Variants in CDH4 observed in about 807,000 individuals in gnomAD.
CDH4 encodes the protein cadherin 4, also known as cadherin-4.
CDH4 carries 33 observed loss-of-function variants against 86.0 expected under a neutral mutation model. The observed-to-expected ratio is 0.38, with a 90% CI of 0.29 to 0.51. The LOEUF is 0.51. Ranked by LOEUF, CDH4 falls within the 20% of genes least tolerant of loss-of-function variation. CDH4 has a pLI of 0.86. For synonymous variants in CDH4, 555 were observed against 549.4 expected, an observed-to-expected ratio of 1.01 and a Z score of -0.14; for missense variants, 1,114 against 1,307.4, an observed-to-expected ratio of 0.85 and a Z score of 2.28.
At chr20:61,628,491 G>A (rs568187710) in intron 2 of CDH4, among the ~76,000 whole-genome samples, 8 of 152,112 alleles carry the variant, frequency 5.3e-5, no homozygotes, top group South Asian at 2.1e-4. Context: ...TTACAAACTC[G>A]TATTTTCTCC....
intron 2 of CDH4, among the ~76,000 whole-genome samples, chr20:61,451,292 C>G (rs995406480): frequency 6.6e-6 from 1 of 152,064 alleles, no homozygotes; most frequent in African/African-American, 2.4e-5. Context: ...ACGGCACGGA[C>G]CACCATGGAG....
chr20:61,795,953 G>T (rs1345283819), intron 4 of CDH4, among the ~76,000 whole-genome samples: 1 of 152,138 alleles, frequency 6.6e-6, no homozygotes, highest in African/African-American at 2.4e-5. Context: ...GAGCTTTCAG[G>T]CACTGAGTGA....
intron 11 of CDH4, among the ~76,000 whole-genome samples, chr20:61,927,191 G>A (rs1042911982): frequency 6.6e-6 from 1 of 152,240 alleles, no homozygotes; most frequent in Non-Finnish European, 1.5e-5. Context: ...GGTTGTTAAC[G>A]TCAGGTCAGG....
Position 61,856,658 on chromosome 20 carries a change from T to C in CDH4, c.877+3760T>C, listed in dbSNP as rs1249790071. 2.0e-5 allele frequency among the ~76,000 whole-genome samples: 3 copies of C among 150,690 alleles called. No individual in the cohort carries two copies. The East Asian group carries it at 5.9e-4, about 30-fold the overall frequency. On this transcript the variant is annotated intron_variant, in intron 6 of 15. Transcript: ENST00000614565. Reference sequence around the variant, plus strand: ...CCCAGCCCCCTAGAATCCACGAGGGTCCTGTGTGCACCCCACACTCTTATC... The same window carrying C: ...CCCAGCCCCCTAGAATCCACGAGGGCCCTGTGTGCACCCCACACTCTTATC...
chr20:61,551,099 T>A (rs981227570), intron 2 of CDH4, among the ~76,000 whole-genome samples: 4 of 152,198 alleles, frequency 2.6e-5, no homozygotes, highest in Non-Finnish European at 4.4e-5. Context: ...TCCCTTCTCC[T>A]CGGGATCGAT....
At chr20:61,267,120 C>T (rs1180693300) in intron 2 of CDH4, among the ~76,000 whole-genome samples, 1 of 152,156 alleles carries the variant, frequency 6.6e-6, no homozygotes, top group Non-Finnish European at 1.5e-5. Context: ...GAGAGAGCAG[C>T]CCTGTTGACA....
intron 2 of CDH4, among the ~76,000 whole-genome samples, chr20:61,507,526 A>G (rs1571433): frequency 0.79 from 119,985 of 152,024 alleles, 48,453 homozygotes; most frequent in African/African-American, 0.95. Flanking sequence ...GTACAGGTGG[A>G]GTTCACTGTG....
intron 2 of CDH4, among the ~76,000 whole-genome samples, chr20:61,316,027 G>T (rs1032447587): frequency 8.5e-5 from 13 of 152,286 alleles, no homozygotes; most frequent in Middle Eastern, 6.8e-3. Context: ...TCTGATGCAG[G>T]CACTGAGGGG....
chr20:61,409,461 A>G (rs2085103239), intron 2 of CDH4, among the ~76,000 whole-genome samples: 2 of 152,254 alleles, frequency 1.3e-5, no homozygotes, highest in Non-Finnish European at 1.5e-5. Context: ...AAAATTAAGC[A>G]TCCAACACAA....
chr20:61,336,164 G>A (rs1012924962), intron 2 of CDH4, among the ~76,000 whole-genome samples: 1 of 152,086 alleles, frequency 6.6e-6, no homozygotes, highest in African/African-American at 2.4e-5. Flanking sequence ...ATTCCTGCCT[G>A]TTTAAATCCT....
intron 2 of CDH4, among the ~76,000 whole-genome samples, chr20:61,332,854 C>T (rs2084590861): frequency 6.6e-6 from 1 of 152,204 alleles, no homozygotes; most frequent in Non-Finnish European, 1.5e-5. Flanking sequence ...CAGGCTATTT[C>T]GGGAGAAGGC....
intron 4 of CDH4, among the ~76,000 whole-genome samples, chr20:61,790,927 C>T (rs1460028844): frequency 6.6e-6 from 1 of 152,052 alleles, no homozygotes; most frequent in African/African-American, 2.4e-5. Context: ...CCCATTCGTT[C>T]ATCTCTCCAT....
At chr20:61,570,229 T>C (rs1254966190) in intron 2 of CDH4, 2 of 173,014 alleles carry the variant, frequency 1.2e-5, no homozygotes, top group Admixed American at 5.4e-5. Flanking sequence ...ACCTAGATTC[T>C]ATGGTACAGC....
chr20:61,822,153 A>G (rs954830532), intron 4 of CDH4, among the ~76,000 whole-genome samples: 1 of 152,236 alleles, frequency 6.6e-6, no homozygotes, highest in Non-Finnish European at 1.5e-5. Flanking sequence ...CAGACTTTCT[A>G]AGGCCTGTGC....
chr20:61,791,283 G>C (rs1051440920), intron 4 of CDH4, among the ~76,000 whole-genome samples: 1 of 152,254 alleles, frequency 6.6e-6, no homozygotes, highest in Non-Finnish European at 1.5e-5. Context: ...TTTCTGACTT[G>C]ATGCTGAAGC....
At chr20:61,285,072 G>GTT (rs776837492) in intron 2 of CDH4, among the ~76,000 whole-genome samples, 18,934 of 149,960 alleles carry the variant, frequency 0.13, 1,456 homozygotes, top group African/African-American at 0.2. Flanking sequence ...AGCCTTTCCT[G>GTT]TTTTTTTTTT....
chr20:61,320,780 G>A (rs907941556), intron 2 of CDH4, among the ~76,000 whole-genome samples: 4 of 151,962 alleles, frequency 2.6e-5, no homozygotes, highest in African/African-American at 9.7e-5. Flanking sequence ...GCAGGAAAGG[G>A]GCCTGGGCAA....
intron 2 of CDH4, among the ~76,000 whole-genome samples, chr20:61,432,963 C>T (rs777218085): frequency 6.6e-5 from 10 of 151,550 alleles, no homozygotes; most frequent in South Asian, 2.1e-4. Context: ...CTCAGCCTCC[C>T]GGGTACCTGG....
At chr20:61,254,349 C>T (rs1000695744) in intron 1 of CDH4, among the ~76,000 whole-genome samples, 4 of 152,222 alleles carry the variant, frequency 2.6e-5, no homozygotes, top group African/African-American at 7.2e-5. Flanking sequence ...TCCTCCCTCC[C>T]GGTGACCTGG....
Sources: allele counts gnomAD v4.1 joint callset (sites outside exome capture counted in the v4.1 genomes callset), GRCh38; gene constraint gnomAD v4.1.1; transcripts MANE v1.5; gene names NCBI Gene and HGNC (gene_info 2026-07-23, HGNC 2026-07-21).